The following COQ2 variants were observed in gnomAD, a reference collection of about 807,000 sequenced individuals.
The protein encoded by COQ2 is 4-hydroxybenzoate polyprenyltransferase, mitochondrial.
In COQ2, 25 loss-of-function variants were observed where a neutral mutation model predicts 35.7. That is an observed-to-expected ratio of 0.70 (90% CI 0.51 to 0.98). The LOEUF is 0.98. COQ2 is among the 50% of genes least tolerant of loss of function. The pLI, the probability that COQ2 is intolerant of heterozygous loss-of-function variation, is 0.00. For synonymous variants in COQ2, 206 were observed against 186.2 expected (o/e 1.11, Z -0.86); for missense variants, 488 against 473.5 (o/e 1.03, Z -0.28).
At position 83,284,579 on chromosome 4, in the gene COQ2, C is replaced by G; in HGVS notation, c.186G>C (p.Ala62=). ...RGRQLSLSAA[A]VVDSAPRPLQ... ...GGGGGCGGGGCGCAGAGTCCACCACCGCCGCCGCGGACAAACTGAGCTGGC... is the reference window on the plus strand; with the variant it reads ...GGGGGCGGGGCGCAGAGTCCACCACGGCCGCCGCGGACAAACTGAGCTGGC... The change falls in exon 1 of 7, where the codon GCG becomes GCC. Residue 62 remains alanine (A), a synonymous_variant. Transcript: ENST00000647002. 6.4e-7 allele frequency: 1 copy of G among 1,550,470 alleles called. No individual in the cohort carries two copies. The highest frequency in any genetic ancestry group is 8.7e-7 in the Non-Finnish European group (1 of 1,149,726).
At position 83,279,123 on chromosome 4, in the gene COQ2, A is replaced by G. The variant is rs1383170155; in HGVS notation, c.254-9T>C. The G allele has an allele frequency of 2.0e-6, 3 of 1,536,774 alleles. No homozygotes were observed. The highest frequency in any genetic ancestry group is 1.7e-6 in the Non-Finnish European group (2 of 1,145,920). ...ATACAGAAGCCAGGTTCCTAAGCAA[A>G]AATAAAAAGACAAAAAAGGTACAAA... is the stretch of plus-strand genomic sequence containing the variant. On this transcript the variant is annotated splice_polypyrimidine_tract_variant and intron_variant, in intron 1 of 6. Coordinates refer to ENST00000647002, the MANE Select transcript of COQ2 (RefSeq NM_001358921.2).
rs1042165424 is a variant in COQ2 at position 83,264,315 on chromosome 4, T to A, written c.1000A>T (p.Ile334Phe). 5 of 1,612,654 alleles carry A rather than the reference T, an allele frequency of 3.1e-6. No individual in the cohort carries two copies. The African/African-American group carries it at 6.7e-5, about 22-fold the overall frequency. ...ATTAGTCCCAGTGTTCGGTTGGAGA[T>A]AAATTTATTCCAACAATCCTCAGGT... is the stretch of plus-strand genomic sequence containing the variant. ...HRPEDCWNKF[I>F]SNRTLGLIVF... Residue 334 changes from isoleucine (I) to phenylalanine (F), a missense_variant, in exon 7 of 7, where the codon ATC becomes TTC. By Grantham distance (21) the Ile-to-Phe change is conservative. Transcript: ENST00000647002.
chr4:83,272,032 TA>T (rs1174876163), intron 4 of COQ2, 54 bp downstream of exon 4: 5 of 1,163,370 alleles, frequency 4.3e-6, no homozygotes, highest in East Asian at 5.0e-5. Context: ...TATCTCTCCA[TA>T]AAAGTGTAGT....
At chr4:83,265,509 A>G (rs1734896832) in intron 6 of COQ2, among the ~76,000 whole-genome samples, 2 of 151,884 alleles carry the variant, frequency 1.3e-5, no homozygotes, top group Non-Finnish European at 2.9e-5. Context: ...GAGGTGGTGG[A>G]GGTTGTACTG....
At chr4:83,283,601 C>T (rs1735379848) in intron 1 of COQ2, 4 of 985,308 alleles carry the variant, frequency 4.1e-6, no homozygotes, top group African/African-American at 1.7e-5. Flanking sequence ...TTTTGTATCA[C>T]TCATATTTGA....
At chr4:83,283,885 G>A in intron 1 of COQ2, 1 of 985,458 alleles carries the variant, frequency 1.0e-6, no homozygotes, top group Non-Finnish European at 1.2e-6. Context: ...CTTTCTGTCG[G>A]GGGCGATTGT....
At chr4:83,285,017 G>A, upstream of COQ2, 2 of 804,988 alleles carry the variant, frequency 2.5e-6, no homozygotes, top group Middle Eastern at 2.3e-4. Context: ...TTTACAACTC[G>A]ATCTTGATTG....
At chr4:83,274,636 C>T (rs1323582280) in intron 2 of COQ2, among the ~76,000 whole-genome samples, 2 of 152,150 alleles carry the variant, frequency 1.3e-5, no homozygotes, top group Non-Finnish European at 2.9e-5. Context: ...AGAAGTTTGA[C>T]TATAATGTAT....
In COQ2 at chr4:83,273,513, CAGA is replaced by C; in HGVS notation, c.522_524del (p.Leu175del). ...TAATATACCTGTAGTAATTTAGACA[CAGA>C]AGAACACCCAGTGCCAGGGTTAGCT... On this transcript the variant is annotated inframe_deletion, in exon 3 of 7. Coordinates refer to ENST00000647002, the MANE Select transcript of COQ2 (RefSeq NM_001358921.2). 6.2e-7 allele frequency: 1 copy of C among 1,613,282 alleles called. No homozygotes were observed. Among genetic ancestry groups the C allele is most frequent in the Non-Finnish European group, 8.5e-7 (1 of 1,179,574 alleles).
At chr4:83,268,097 A>G (rs1161899004) in intron 5 of COQ2, among the ~76,000 whole-genome samples, 1 of 152,144 alleles carries the variant, frequency 6.6e-6, no homozygotes, top group East Asian at 1.9e-4. Flanking sequence ...ATGACTCTTA[A>G]CCATATTTTT....
chr4:83,274,968 C>T (rs1735133211), intron 2 of COQ2, among the ~76,000 whole-genome samples: 1 of 152,156 alleles, frequency 6.6e-6, no homozygotes, highest in Non-Finnish European at 1.5e-5. Flanking sequence ...ATTATTATTA[C>T]AATTATTATA....
rs146983090 is a variant in COQ2 at position 83,279,058 on chromosome 4, C to T, written c.310G>A (p.Gly104Ser). ...TWSIGLAAEP[G>S]CFPDWYMLSL... ...AGCATGTACCAATCTGGAAAACAAC[C>T]TGGTTCAGCTGCCAAACCAATGCTC... Residue 104 changes from glycine (G) to serine (S), a missense_variant, in exon 2 of 7, where the codon GGT (glycine) becomes AGT (serine). Coordinates refer to ENST00000647002, the MANE Select transcript of COQ2 (RefSeq NM_001358921.2). The T allele has an allele frequency of 6.2e-5, 99 of 1,597,314 alleles. No individual in the cohort carries two copies. The African/African-American group carries it at 1.2e-3, about 20-fold the overall frequency.
At chr4:83,278,882 T>C in intron 2 of COQ2, 66 bp downstream of exon 2, 1 of 1,411,546 alleles carries the variant, frequency 7.1e-7, no homozygotes, top group Non-Finnish European at 9.3e-7. Flanking sequence ...CATTCAAAAG[T>C]GATACCACTA....
In COQ2 at chr4:83,272,098, T is replaced by A. The variant is rs1735061311; in HGVS notation, c.617A>T (p.Gln206Leu). Residue 206 changes from glutamine to leucine, a missense_variant, in exon 4 of 7, where the codon CAA (glutamine) becomes CTA (leucine). By Grantham distance (113) the Gln-to-Leu change is moderately radical. Transcript: ENST00000647002. ...PLMKRISYWP[Q>L]LALGLTFNWG... ...TATTGTAAGCTCACCCAAGGCTAGTTGAGGCCAGTATGAAATTCTTTTCAT... is the reference window on the plus strand; with the variant it reads ...TATTGTAAGCTCACCCAAGGCTAGTAGAGGCCAGTATGAAATTCTTTTCAT... The A allele has an allele frequency of 3.1e-6, 5 of 1,606,474 alleles. No individual in the cohort carries two copies. Among genetic ancestry groups the A allele is most frequent in the Non-Finnish European group, 8.5e-7 (1 of 1,175,430 alleles).
chr4:83,270,420 C>T (rs1372418425), intron 4 of COQ2, among the ~76,000 whole-genome samples: 1 of 152,110 alleles, frequency 6.6e-6, no homozygotes, highest in East Asian at 1.9e-4. Context: ...CATGAATATA[C>T]ATACGAACAC....
In COQ2 at chr4:83,264,307, G is replaced by C; in HGVS notation, c.1008C>G (p.Asn336Lys). 1 of 1,612,296 alleles carries C rather than the reference G, an allele frequency of 6.2e-7. No individual in the cohort carries two copies. Among genetic ancestry groups the C allele is most frequent in the Non-Finnish European group, 8.5e-7 (1 of 1,179,406 alleles). ...AAAAAACTATTAGTCCCAGTGTTCG[G>C]TTGGAGATAAATTTATTCCAACAAT... ...PEDCWNKFIS[N>K]RTLGLIVFLG... The change falls in exon 7 of 7, where the codon AAC becomes AAG. Residue 336 changes from asparagine (N) to lysine (K), a missense_variant. Transcript: ENST00000647002.
At position 83,272,077 on chromosome 4, in the gene COQ2, G is replaced by A. The variant is rs776273404; in HGVS notation, c.628+10C>T. The A allele has an allele frequency of 1.9e-6, 3 of 1,568,734 alleles. No homozygotes were observed. Among genetic ancestry groups the A allele is most frequent in the African/African-American group, 1.4e-5 (1 of 73,418 alleles). On this transcript the variant is annotated intron_variant, in intron 4 of 6. Transcript: ENST00000647002. ...ATCAAAGGAAATACTTTTAGTTATT[G>A]TAAGCTCACCCAAGGCTAGTTGAGG...
At chr4:83,274,949 A>G (rs1735132820) in intron 2 of COQ2, among the ~76,000 whole-genome samples, 1 of 152,128 alleles carries the variant, frequency 6.6e-6, no homozygotes, top group Non-Finnish European at 1.5e-5. Context: ...TGTTGGGCCC[A>G]TCCACTGAAT....
chr4:83,264,185 A>G lies in COQ2; in HGVS notation c.*14T>C. Reference sequence around the variant, plus strand: ...TAAAAAATGTTTTAAAAATTCCTAGATAAATTTCATTCATTAATTTTCTAT... The same window carrying G: ...TAAAAAATGTTTTAAAAATTCCTAGGTAAATTTCATTCATTAATTTTCTAT... On this transcript the variant is annotated 3_prime_UTR_variant, in exon 7 of 7. Coordinates refer to ENST00000647002, the MANE Select transcript of COQ2 (RefSeq NM_001358921.2). The G allele has an allele frequency of 8.4e-7, 1 of 1,187,682 alleles. No homozygotes were observed. Among genetic ancestry groups the G allele is most frequent in the Non-Finnish European group, 1.2e-6 (1 of 858,952 alleles). The allele number at this position is 1,187,682 out of a possible 1,614,324, so 73.6% of individuals were successfully genotyped here.
Sources: allele counts gnomAD v4.1 joint callset (sites outside exome capture counted in the v4.1 genomes callset), GRCh38; gene constraint gnomAD v4.1.1; transcripts MANE v1.5; gene names NCBI Gene and HGNC (gene_info 2026-07-23, HGNC 2026-07-21).